QTMAN: variants seen among roughly 807,000 people sequenced by gnomAD.
The protein encoded by QTMAN is tRNA-queuosine alpha-mannosyltransferase.
At chr2:144,108,490 T>C in the QTMAN span, among the ~76,000 whole-genome samples, 79 of 151,872 alleles carry the variant, frequency 5.2e-4, no homozygotes, top group African/African-American at 1.7e-3. Context: ...ATACAAAAAA[T>C]TAGCCAGAGT....
the QTMAN span, chr2:143,941,670 C>A: frequency 4.2e-5 from 6 of 144,120 alleles, no homozygotes; most frequent in African/African-American, 1.6e-4. Context: ...GCCAGACTCT[C>A]TCTCTCAAAA....
the QTMAN span, among the ~76,000 whole-genome samples, chr2:144,014,410 A>G: frequency 6.6e-6 from 1 of 152,188 alleles, no homozygotes; most frequent in African/African-American, 2.4e-5. Flanking sequence ...TTTTAAAGCC[A>G]ACATGAAATA....
chr2:144,227,118 T>C, the QTMAN span, among the ~76,000 whole-genome samples: 1 of 152,190 alleles, frequency 6.6e-6, no homozygotes, highest in Non-Finnish European at 1.5e-5. Flanking sequence ...AATATGTCTT[T>C]AGCCATATGA....
chr2:144,318,194 A>AACACACACAC, the QTMAN span, among the ~76,000 whole-genome samples: 460 of 142,020 alleles, frequency 3.2e-3, 4 homozygotes, highest in African/African-American at 0.011. Context: ...TATTTAAATA[A>AACACACACAC]ACACACACAC....
chr2:144,306,540 C>G, the QTMAN span, among the ~76,000 whole-genome samples: 1 of 152,062 alleles, frequency 6.6e-6, no homozygotes. Context: ...GAGGGCCCCA[C>G]CCTCATGACC....
chr2:144,027,725 C>T, the QTMAN span, among the ~76,000 whole-genome samples: 1 of 152,184 alleles, frequency 6.6e-6, no homozygotes, highest in Non-Finnish European at 1.5e-5. Context: ...TTTAAACACA[C>T]ACGCACACCC....
chr2:144,056,129 T>C, the QTMAN span, among the ~76,000 whole-genome samples: 2 of 152,210 alleles, frequency 1.3e-5, no homozygotes, highest in Non-Finnish European at 2.9e-5. Context: ...TACTTTACTG[T>C]ACTCTAGCTT....
At chr2:144,160,316 T>G in the QTMAN span, among the ~76,000 whole-genome samples, 14 of 152,298 alleles carry the variant, frequency 9.2e-5, no homozygotes, top group Non-Finnish European at 1.5e-4. Context: ...TGTTGAGATA[T>G]GGTCCTAAAG....
the QTMAN span, among the ~76,000 whole-genome samples, chr2:144,250,718 C>G: frequency 9.2e-5 from 13 of 140,596 alleles, no homozygotes; most frequent in Admixed American, 2.3e-4. Context: ...CTTTATATTA[C>G]TGGTTAATTT....
the QTMAN span, among the ~76,000 whole-genome samples, chr2:144,312,343 C>A: frequency 2.6e-5 from 4 of 152,192 alleles, no homozygotes; most frequent in South Asian, 8.3e-4. Context: ...GAAATACACT[C>A]TTAGGCTAAC....
At chr2:144,270,581 A>C in the QTMAN span, among the ~76,000 whole-genome samples, 1 of 150,826 alleles carries the variant, frequency 6.6e-6, no homozygotes, top group Non-Finnish European at 1.5e-5. Flanking sequence ...GCATGTTCTC[A>C]CTCATAAGTG....
the QTMAN span, among the ~76,000 whole-genome samples, chr2:144,130,423 A>G: frequency 1.3e-5 from 2 of 151,922 alleles, no homozygotes; most frequent in Non-Finnish European, 2.9e-5. Flanking sequence ...TTAATCAAAA[A>G]ACACAAAACA....
the QTMAN span, among the ~76,000 whole-genome samples, chr2:143,985,692 T>C: frequency 6.6e-6 from 1 of 152,136 alleles, no homozygotes; most frequent in Admixed American, 6.5e-5. Context: ...ATCATGTGTA[T>C]ATTATATTAA....
chr2:144,211,257 A>G, the QTMAN span: 6 of 152,448 alleles, frequency 3.9e-5, no homozygotes, highest in African/African-American at 1.4e-4. Context: ...AGAAAAGGGG[A>G]AAAAAAGATT....
the QTMAN span, among the ~76,000 whole-genome samples, chr2:144,068,604 ACT>A: frequency 6.6e-6 from 1 of 152,140 alleles, no homozygotes; most frequent in Admixed American, 6.5e-5. Flanking sequence ...AGTTAAGGAC[ACT>A]CTATTTCATG....
the QTMAN span, among the ~76,000 whole-genome samples, chr2:144,112,443 G>C: frequency 1.3e-5 from 2 of 152,224 alleles, no homozygotes; most frequent in Non-Finnish European, 2.9e-5. Flanking sequence ...TACAGCCCAG[G>C]CTGGATATTA....
At chr2:144,174,136 G>A in the QTMAN span, among the ~76,000 whole-genome samples, 2 of 152,144 alleles carry the variant, frequency 1.3e-5, no homozygotes, top group Non-Finnish European at 2.9e-5. Context: ...TCTTTCTCCA[G>A]CATGTGTTAA....
At chr2:144,321,951 G>A in the QTMAN span, among the ~76,000 whole-genome samples, 1 of 152,084 alleles carries the variant, frequency 6.6e-6, no homozygotes, top group Admixed American at 6.6e-5. Flanking sequence ...CAATAGAGTG[G>A]TATCAAGTGT....
the QTMAN span, among the ~76,000 whole-genome samples, chr2:144,194,883 G>T: frequency 6.6e-6 from 1 of 152,076 alleles, no homozygotes; most frequent in South Asian, 2.1e-4. Flanking sequence ...AATCTGGAGT[G>T]AAGGGATTTC....
Sources: gnomAD v4.1 joint callset for allele counts (sites outside exome capture counted in the v4.1 genomes callset) on GRCh38, gnomAD v4.1.1 for gene constraint, MANE v1.5 for transcripts, NCBI Gene and HGNC (gene_info 2026-07-23, HGNC 2026-07-21) for gene names.